The following CCN2 variants were observed in gnomAD, a reference collection of about 807,000 sequenced individuals.
CCN2 encodes the protein CCN family member 2.
CCN2 carries 22 observed loss-of-function variants against 33.2 expected under a neutral mutation model. The observed-to-expected ratio is 0.66, with a 90% CI of 0.47 to 0.95. The LOEUF (loss-of-function observed/expected upper bound fraction) is 0.95, where lower values mean the gene tolerates loss of function less well. Among genes scored for constraint, CCN2 ranks in the 40% least tolerant of loss-of-function variants. CCN2 has a pLI of 0.00. For synonymous variants in CCN2, 178 were observed against 200.6 expected (o/e 0.89, Z 0.95); for missense variants, 469 against 498.8 (o/e 0.94, Z 0.57).
intron 4 of CCN2, 94 bp from the exon 5 acceptor site, chr6:131,949,654 T>C (rs1490263488): frequency 5.8e-6 from 7 of 1,209,154 alleles, no homozygotes; most frequent in Non-Finnish European, 3.5e-6. Flanking sequence ...TTTAGTCTTC[T>C]GTTGTCTGAC....
intron 1 of CCN2, 55 bp from the exon 2 acceptor site, chr6:131,951,047 G>A (rs1267787867): frequency 1.6e-6 from 2 of 1,264,272 alleles, no homozygotes; most frequent in East Asian, 3.4e-5. Context: ...CGCCCTCCCC[G>A]GCCGGCCCCG....
At position 131,948,318 on chromosome 6, in the gene CCN2, C is replaced by T. The variant is rs1585878898; in HGVS notation, c.*946G>A. Reference sequence around the variant, plus strand: ...GCTTCCAGGTGAAAAAACTGATCAGCTATATAGAGTCACTCAGTTTTTAAT... The same window carrying T: ...GCTTCCAGGTGAAAAAACTGATCAGTTATATAGAGTCACTCAGTTTTTAAT... On this transcript the variant is annotated 3_prime_UTR_variant, in exon 5 of 5. Transcript: ENST00000367976. The T allele has an allele frequency of 6.6e-6, 1 of 152,546 alleles. No homozygotes were observed. The highest frequency in any genetic ancestry group is 2.1e-4 in the South Asian group (1 of 4,824). The allele number at this position is 152,546 out of a possible 1,614,324, so 9.4% of individuals were successfully genotyped here. A position where few individuals can be genotyped will look rare whatever the true frequency, so the allele number is the denominator to read the frequency against.
chr6:131,949,581 G>C (rs888255485), intron 4 of CCN2, 21 bp from the exon 5 acceptor site: 3 of 791,318 alleles, frequency 3.8e-6, no homozygotes, highest in African/African-American at 2.4e-5. Flanking sequence ...CAAGGGAAAA[G>C]AGAGAGGAAA....
At position 131,949,668 on chromosome 6, in the gene CCN2, T is replaced by C. The variant is rs987811680; in HGVS notation, c.754-108A>G. 1.5e-5 allele frequency: 17 copies of C among 1,120,032 alleles called. No individual in the cohort carries two copies. The African/African-American group carries it at 2.7e-4, about 18-fold the overall frequency. The allele number at this position is 1,120,032 out of a possible 1,614,324, so 69.4% of individuals were successfully genotyped here. A position where few individuals can be genotyped will look rare whatever the true frequency, so the allele number is the denominator to read the frequency against. On this transcript the variant is annotated intron_variant, in intron 4 of 4. Transcript: ENST00000367976. ...TTTTAGTCTTCTGTTGTCTGACTTC[T>C]GTTTATATTTTGAGGGGAGGAAGTT...
Position 131,950,336 on chromosome 6 carries a change from C to G in CCN2, c.497G>C (p.Cys166Ser). 1 of 1,614,180 alleles carries G rather than the reference C, an allele frequency of 6.2e-7. No homozygotes were observed. Among genetic ancestry groups the G allele is most frequent in the Non-Finnish European group, 8.5e-7 (1 of 1,180,042 alleles). Residue 166 changes from cysteine to serine, a missense_variant, in exon 3 of 5, where the codon TGT (cysteine) becomes TCT (serine). Transcript: ENST00000367976. The surrounding 1 kb of genome is among the most constrained non-coding windows in gnomAD (Gnocchi z 7.1). The stretch of plus-strand genomic sequence containing the variant: ...CACGGTTTGGTCCTTGGGCTCGTCA[C>G]ACACCCACTCCTCGCAGCATTTCCC... ...LPGKCCEEWV[C>S]DEPKDQTVVG... is the part of the protein sequence containing the mutation.
intron 4 of CCN2, 93 bp downstream of exon 4, chr6:131,949,856 G>A (rs1783075649): frequency 1.7e-6 from 2 of 1,211,882 alleles, no homozygotes; most frequent in Admixed American, 4.4e-5. Context: ...TGGAGATAAC[G>A]GGCTTATACT....
intron 4 of CCN2, 125 bp downstream of exon 4, chr6:131,949,824 C>G: frequency 1.0e-6 from 1 of 983,764 alleles, no homozygotes; most frequent in Non-Finnish European, 1.5e-6. Context: ...TCCAGCAAAA[C>G]AGCTCAATGG....
Position 131,949,266 on chromosome 6 carries a change from A to C in CCN2, c.1048T>G (p.Ter350GlyextTer16), listed in dbSNP as rs1383990931. ...YYRKMYGDMA[*>G] ...TTAATGTCTCTCACTCTCTGGCTTC[A>C]TGCCATGTCTCCGTACATCTTCCTG... The change falls in exon 5 of 5, where the codon TGA (stop) becomes GGA (glycine). Residue 350 changes from the stop codon to glycine (G), a stop_lost. Transcript: ENST00000367976. 1 of 1,612,674 alleles carries C rather than the reference A, an allele frequency of 6.2e-7. No individual in the cohort carries two copies. The highest frequency in any genetic ancestry group is 2.2e-5 in the East Asian group (1 of 44,876).
intron 4 of CCN2, 102 bp from the exon 5 acceptor site, chr6:131,949,662 G>T: frequency 1.7e-6 from 2 of 1,146,448 alleles, no homozygotes; most frequent in Non-Finnish European, 2.5e-6. Context: ...TCTGTTGTCT[G>T]ACTTCTGTTT....
chr6:131,950,306 C>A lies in CCN2; in HGVS notation c.527G>T (p.Gly176Val), dbSNP rs1468505692. 4 of 1,613,870 alleles carry A rather than the reference C, an allele frequency of 2.5e-6. No homozygotes were observed. The highest frequency in any genetic ancestry group is 3.4e-6 in the Non-Finnish European group (4 of 1,179,808). ...CDEPKDQTVV[G>V]PALAAYRLED... ...ACTCGACTCACCCGCGAGGGCAGGC[C>A]CAACCACGGTTTGGTCCTTGGGCTC... The change falls in exon 3 of 5, where the codon GGG becomes GTG. Residue 176 changes from glycine (G) to valine (V), a missense_variant. Physicochemically the swap from Gly to Val is moderately radical, Grantham distance 109 (BLOSUM62 -3). Transcript: ENST00000367976. This position sits in a 1 kb window ranked among gnomAD's most constrained non-coding sequence, Gnocchi z 7.1.
intron 4 of CCN2, 98 bp downstream of exon 4, chr6:131,949,851 A>G: frequency 8.5e-7 from 1 of 1,174,340 alleles, no homozygotes; most frequent in Admixed American, 2.3e-5. Context: ...AGTTTTGGAG[A>G]TAACGGGCTT....
In CCN2 at chr6:131,949,205, T is replaced by G; in HGVS notation, c.*59A>C. ...TACTGAAATCATTTTTACGGAAAAA[T>G]GAGATGTGAATCAGTTCAAGTTCCA... On this transcript the variant is annotated 3_prime_UTR_variant, in exon 5 of 5. Coordinates refer to ENST00000367976, the MANE Select transcript of CCN2 (RefSeq NM_001901.4). 2.0e-3 allele frequency: 2,722 copies of G among 1,383,110 alleles called. No individual in the cohort carries two copies. Among genetic ancestry groups the G allele is most frequent in the Non-Finnish European group, 2.5e-3 (2,490 of 978,376 alleles). The allele number at this position is 1,383,110 out of a possible 1,614,324, so 85.7% of individuals were successfully genotyped here.
At position 131,950,769 on chromosome 6, in the gene CCN2, C is replaced by T. The variant is rs1304990670; in HGVS notation, c.289+1G>A. ...CTAGCGGTGGGGGCTGCGGGTCTTACCGGTGCACACGCCGATCTTGCGGTT... is the reference window on the plus strand; with the variant it reads ...CTAGCGGTGGGGGCTGCGGGTCTTATCGGTGCACACGCCGATCTTGCGGTT... On this transcript the variant is annotated splice_donor_variant, in intron 2 of 4. Coordinates refer to ENST00000367976, the MANE Select transcript of CCN2 (RefSeq NM_001901.4). LOFTEE classifies it high-confidence loss of function. This position sits in a 1 kb window ranked among gnomAD's most constrained non-coding sequence, Gnocchi z 7.1. 6.5e-7 allele frequency: 1 copy of T among 1,540,896 alleles called. No individual in the cohort carries two copies. The highest frequency in any genetic ancestry group is 8.7e-7 in the Non-Finnish European group (1 of 1,150,454).
At position 131,950,189 on chromosome 6, in the gene CCN2, G is replaced by T. The variant is rs760652701; in HGVS notation, c.542-29C>A. 1 of 1,613,824 alleles carries T rather than the reference G, an allele frequency of 6.2e-7. No homozygotes were observed. The highest frequency in any genetic ancestry group is 2.2e-5 in the East Asian group (1 of 44,872). Reference sequence around the variant, plus strand: ...CGAGAGCAGAGCACACAAACACCATGTAAAACGCCTGGATAAGGTATTTCC... The same window carrying T: ...CGAGAGCAGAGCACACAAACACCATTTAAAACGCCTGGATAAGGTATTTCC... On this transcript the variant is annotated intron_variant, in intron 3 of 4. Coordinates refer to ENST00000367976, the MANE Select transcript of CCN2 (RefSeq NM_001901.4). This position sits in a 1 kb window ranked among gnomAD's most constrained non-coding sequence, Gnocchi z 7.1.
In CCN2 at chr6:131,950,711, C is replaced by A; in HGVS notation, c.289+59G>T. 1.4e-6 allele frequency: 2 copies of A among 1,395,266 alleles called. No individual in the cohort carries two copies. The highest frequency in any genetic ancestry group is 9.5e-7 in the Non-Finnish European group (1 of 1,051,290). 86.4% of individuals were successfully genotyped at this position (1,395,266 alleles called of 1,614,324 possible). ...CCGAGCGGTTTCTTTTTCCAGCGGG[C>A]GGGTGGGCGTGAGGGAGGAGGCGGC... On this transcript the variant is annotated intron_variant, in intron 2 of 4. Transcript: ENST00000367976. This position sits in a 1 kb window ranked among gnomAD's most constrained non-coding sequence, Gnocchi z 7.1.
At position 131,951,173 on chromosome 6, in the gene CCN2, G is replaced by T; in HGVS notation, c.-1C>A. On this transcript the variant is annotated 5_prime_UTR_variant, in exon 1 of 5. Transcript: ENST00000367976. ...CGGGGCCCATACTGGCGGCGGTCAT[G>T]GTTGGCACTGCGGGCGGAGCGGAGG... 1 of 1,330,640 alleles carries T rather than the reference G, an allele frequency of 7.5e-7. No homozygotes were observed. The highest frequency in any genetic ancestry group is 3.2e-5 in the East Asian group (1 of 31,546). The allele number at this position is 1,330,640 out of a possible 1,614,324, so 82.4% of individuals were successfully genotyped here. A position where few individuals can be genotyped will look rare whatever the true frequency, so the allele number is the denominator to read the frequency against.
rs1450689535 is a variant in CCN2 at position 131,951,291 on chromosome 6, C to T, written c.-119G>A. On this transcript the variant is annotated 5_prime_UTR_variant, in exon 1 of 5. Coordinates refer to ENST00000367976, the MANE Select transcript of CCN2 (RefSeq NM_001901.4). Reference sequence around the variant, plus strand: ...GACGCGCCGGGCTGTCGTCTCGGGGCTGTCGGCCGGGGCGGCTGCCGTCGA... The same window carrying T: ...GACGCGCCGGGCTGTCGTCTCGGGGTTGTCGGCCGGGGCGGCTGCCGTCGA... 9 of 903,840 alleles carry T rather than the reference C, an allele frequency of 1.0e-5. No homozygotes were observed. The East Asian group carries it at 1.4e-4, about 15-fold the overall frequency. 56.0% of individuals were successfully genotyped at this position (903,840 alleles called of 1,614,324 possible). A position where few individuals can be genotyped will look rare whatever the true frequency, so the allele number is the denominator to read the frequency against.
chr6:131,949,588 GA>G (rs59140114), intron 4 of CCN2, 28 bp from the exon 5 acceptor site: 632,776 of 1,053,428 alleles, frequency 0.6, 166,504 homozygotes, highest in South Asian at 0.72. Context: ...AAAGAGAGAG[GA>G]AAAAAAAAAA....
rs1246208567 is a variant in CCN2, at chr6:131,951,219, G to A, written c.-47C>T. 3.6e-5 allele frequency: 46 copies of A among 1,263,860 alleles called. No individual in the cohort carries two copies. Among genetic ancestry groups the A allele is most frequent in the Non-Finnish European group, 4.4e-5 (44 of 1,005,748 alleles). The allele number at this position is 1,263,860 out of a possible 1,614,324, so 78.3% of individuals were successfully genotyped here. A position where few individuals can be genotyped will look rare whatever the true frequency, so the allele number is the denominator to read the frequency against. On this transcript the variant is annotated 5_prime_UTR_variant, in exon 1 of 5. Transcript: ENST00000367976. ...GGAGGGCGCGGTGGCGGCGAGCGGG[G>A]AGCGGCGGGGCCTGGAGCGCTGGCG...
Sources: allele counts gnomAD v4.1 joint callset, GRCh38; gene constraint gnomAD v4.1.1; non-coding constraint Gnocchi (gnomAD v3.1); transcripts MANE v1.5; gene names NCBI Gene and HGNC (gene_info 2026-07-23, HGNC 2026-07-21).